The following WDPCP variants were observed in gnomAD, a reference collection of about 807,000 sequenced individuals.
WDPCP encodes WD repeat-containing and planar cell polarity effector protein fritz homolog.
In WDPCP, 71 loss-of-function variants were observed where a neutral mutation model predicts 93.1. That is an observed-to-expected ratio of 0.76 (90% CI 0.63 to 0.93). The LOEUF is 0.93. WDPCP is among the 40% of genes least tolerant of loss of function. The probability of loss-of-function intolerance (pLI) is 0.00; values close to 1 mark genes in which losing one functional copy is unlikely to be tolerated. For synonymous variants in WDPCP, 315 were observed against 315.0 expected, an observed-to-expected ratio of 1.00 and a Z score of 0.00; for missense variants, 844 against 887.4, an observed-to-expected ratio of 0.95 and a Z score of 0.62.
At chr2:63,497,591 T>A (rs1356343407) in intron 1 of WDPCP, among the ~76,000 whole-genome samples, 5 of 152,096 alleles carry the variant, frequency 3.3e-5, no homozygotes, top group African/African-American at 1.2e-4. Flanking sequence ...AATAACTAGA[T>A]GGGCAAGGTG....
chr2:63,468,557 G>C (rs1699498720), intron 6 of WDPCP, among the ~76,000 whole-genome samples: 1 of 152,040 alleles, frequency 6.6e-6, no homozygotes, highest in Non-Finnish European at 1.5e-5. Flanking sequence ...ATGCATTCTT[G>C]TGTATGTAAC....
intron 2 of WDPCP, among the ~76,000 whole-genome samples, chr2:63,668,117 G>T (rs1472918751): frequency 6.6e-6 from 1 of 152,164 alleles, no homozygotes; most frequent in Admixed American, 6.5e-5. Flanking sequence ...CAACAGATAG[G>T]TGGCCACTAT....
intron 2 of WDPCP, among the ~76,000 whole-genome samples, chr2:63,733,060 T>G (rs1669583822): frequency 6.6e-6 from 1 of 152,136 alleles, no homozygotes; most frequent in African/African-American, 2.4e-5. Context: ...CTTTTCTGTT[T>G]TGATGAACAA....
At chr2:63,164,827 T>G (rs1345954129) in intron 15 of WDPCP, among the ~76,000 whole-genome samples, 1 of 152,130 alleles carries the variant, frequency 6.6e-6, no homozygotes, top group Admixed American at 6.5e-5. Context: ...GTTGTTAAAT[T>G]GATATTAAAA....
At chr2:63,213,011 C>G (rs564580248) in intron 14 of WDPCP, among the ~76,000 whole-genome samples, 174 of 152,238 alleles carry the variant, frequency 1.1e-3, no homozygotes, top group African/African-American at 3.7e-3. Context: ...TAGACTCCCA[C>G]ACAATAATAA....
chr2:63,836,110 C>T, the WDPCP span, among the ~76,000 whole-genome samples: 2 of 152,230 alleles, frequency 1.3e-5, no homozygotes, highest in East Asian at 3.8e-4. Flanking sequence ...CAGCTTTGGC[C>T]TCCCAAAGTG....
At chr2:63,385,322 C>G (rs565983728) in intron 10 of WDPCP, among the ~76,000 whole-genome samples, 4 of 152,134 alleles carry the variant, frequency 2.6e-5, no homozygotes, top group East Asian at 3.9e-4. Flanking sequence ...AAAAAGCACA[C>G]AGTTTAGATA....
chr2:63,832,438 GA>G (rs148443526), upstream of WDPCP, among the ~76,000 whole-genome samples: 5,409 of 152,086 alleles, frequency 0.036, 142 homozygotes, highest in Non-Finnish European at 0.053. Flanking sequence ...GTGGGGGGGG[GA>G]AATTCCACCT....
intron 13 of WDPCP, among the ~76,000 whole-genome samples, chr2:63,278,174 A>G (rs1466484343): frequency 6.6e-6 from 1 of 152,270 alleles, no homozygotes; most frequent in East Asian, 1.9e-4. Flanking sequence ...TAGGTTAACA[A>G]TGAAATCAAG....
rs35660887 is a variant in WDPCP, at chr2:63,383,886, CTTT to C, written c.1436-1795_1436-1793del. Among the ~76,000 whole-genome samples, 581 of 152,258 alleles carry C rather than the reference CTTT, an allele frequency of 3.8e-3. 5 individuals carry two copies. The highest frequency in any genetic ancestry group is 0.012 in the South Asian group (58 of 4,824). ...GCACCCAACCACAGTAAAATACATT[CTTT>C]TTAAGTGCACACATAACACAGACCA... On this transcript the variant is annotated intron_variant, in intron 10 of 17. Transcript: ENST00000272321.
chr2:63,354,260 C>T (rs1689841888), intron 12 of WDPCP, among the ~76,000 whole-genome samples: 1 of 152,202 alleles, frequency 6.6e-6, no homozygotes, highest in South Asian at 2.1e-4. Context: ...GCTGATTGCA[C>T]TGAGTGATTG....
rs558808203 is a variant in WDPCP at position 63,724,963 on chromosome 2, G to A, written n.309-74125C>T. 1.6e-4 allele frequency among the ~76,000 whole-genome samples: 25 copies of A among 152,230 alleles called. No homozygotes were observed. The East Asian group carries it at 2.1e-3, about 13-fold the overall frequency. The stretch of plus-strand genomic sequence containing the variant: ...ACTGCTTTCATATCCATTCTCCTAC[G>A]GGATTTTAAAAAATAATAACCTGTG... On this transcript the variant is annotated intron_variant and non_coding_transcript_variant, in intron 2 of 4. Transcript: ENST00000467687.
At chr2:63,502,101 A>G (rs1701594448) in intron 1 of WDPCP, among the ~76,000 whole-genome samples, 1 of 152,188 alleles carries the variant, frequency 6.6e-6, no homozygotes, top group Non-Finnish European at 1.5e-5. Flanking sequence ...TTCTAAATGT[A>G]CTTACAACAC....
At position 63,452,834 on chromosome 2, in the gene WDPCP, A is replaced by C. The variant is rs1018914215; in HGVS notation, c.385-12963T>G. 2.6e-5 allele frequency among the ~76,000 whole-genome samples: 4 copies of C among 152,302 alleles called. No individual in the cohort carries two copies. The East Asian group carries it at 5.8e-4, about 22-fold the overall frequency. On this transcript the variant is annotated intron_variant, in intron 6 of 17. Coordinates refer to ENST00000272321, the MANE Select transcript of WDPCP (RefSeq NM_015910.7). The stretch of plus-strand genomic sequence containing the variant: ...CTTTGACAAACCTGACAAAAACAAG[A>C]AATGGGGAAACAACTCCCTATTTAA...
chr2:63,589,275 A>C, upstream of WDPCP: 1 of 1,551,164 alleles, frequency 6.4e-7, no homozygotes, highest in East Asian at 2.4e-5. Flanking sequence ...CTGGAGAAGT[A>C]GTTGTCCTGG....
intron 14 of WDPCP, among the ~76,000 whole-genome samples, chr2:63,230,470 T>G (rs1371766228): frequency 6.6e-6 from 1 of 152,154 alleles, no homozygotes; most frequent in Non-Finnish European, 1.5e-5. Context: ...GATGGCTGGG[T>G]CAAATGGTAT....
intron 2 of WDPCP, among the ~76,000 whole-genome samples, chr2:63,783,227 T>C (rs1670421877): frequency 6.6e-6 from 1 of 151,312 alleles, no homozygotes; most frequent in Admixed American, 6.6e-5. Context: ...GCCTGGACAA[T>C]ATGGCAAGAC....
chr2:63,576,247 C>G (rs1708107876), intron 1 of WDPCP, among the ~76,000 whole-genome samples: 1 of 152,164 alleles, frequency 6.6e-6, no homozygotes, highest in South Asian at 2.1e-4. Flanking sequence ...CCACCCCCCA[C>G]TTCTGATGTC....
chr2:63,435,371 A>G (rs754219108), intron 8 of WDPCP, among the ~76,000 whole-genome samples: 8 of 152,218 alleles, frequency 5.3e-5, no homozygotes, highest in Non-Finnish European at 2.9e-5. Context: ...ATGGGCAATG[A>G]CAGACAACAC....
Sources: gnomAD v4.1 joint callset for allele counts (sites outside exome capture counted in the v4.1 genomes callset) on GRCh38, gnomAD v4.1.1 for gene constraint, MANE v1.5 for transcripts, NCBI Gene and HGNC (gene_info 2026-07-23, HGNC 2026-07-21) for gene names.